The following LNPK variants were observed in gnomAD, a reference collection of about 807,000 sequenced individuals.
The protein encoded by LNPK is lunapark, ER junction formation factor, also known as endoplasmic reticulum junction formation protein lunapark.
A neutral mutation model predicts 55.2 loss-of-function variants in LNPK; 29 were observed. The ratio of observed to expected loss-of-function variants is 0.53; its 90% CI spans 0.39 to 0.72. The LOEUF (loss-of-function observed/expected upper bound fraction) is 0.72, where lower values mean the gene tolerates loss of function less well. Ranked by LOEUF, LNPK falls within the 30% of genes least tolerant of loss-of-function variation. The pLI, the probability that LNPK is intolerant of heterozygous loss-of-function variation, is 0.00. For missense variants in LNPK, 467 were observed against 494.8 expected (o/e 0.94, Z 0.53); for synonymous variants, 162 against 168.2 (o/e 0.96, Z 0.29).
intron 9 of LNPK, among the ~76,000 whole-genome samples, chr2:175,940,008 C>T (rs1035697877): frequency 7.9e-5 from 12 of 152,066 alleles, no homozygotes; most frequent in African/African-American, 2.9e-4. Context: ...AGGGGACTTC[C>T]ACTTCAGGCC....
chr2:175,977,825 T>C (rs1324428721), intron 5 of LNPK, among the ~76,000 whole-genome samples: 2 of 152,110 alleles, frequency 1.3e-5, no homozygotes, highest in Admixed American at 1.3e-4. Context: ...TTAAAGGAAA[T>C]GTAGGGTTAG....
At chr2:175,983,557 A>G (rs1477136751) in intron 4 of LNPK, among the ~76,000 whole-genome samples, 1 of 152,220 alleles carries the variant, frequency 6.6e-6, no homozygotes, top group African/African-American at 2.4e-5. Flanking sequence ...ATATCAACAA[A>G]TATTAAGTGG....
intron 8 of LNPK, among the ~76,000 whole-genome samples, chr2:175,953,420 T>A (rs908969408): frequency 1.7e-4 from 26 of 152,150 alleles, no homozygotes; most frequent in African/African-American, 6.3e-4. Flanking sequence ...TTGCTATAAC[T>A]CCCATTCAAC....
intron 1 of LNPK, among the ~76,000 whole-genome samples, chr2:175,996,975 A>G (rs933295419): frequency 1.3e-5 from 2 of 152,182 alleles, no homozygotes; most frequent in Non-Finnish European, 2.9e-5. Flanking sequence ...TCCACCCCCA[A>G]AAAGGTTACC....
chr2:175,951,225 CTTTA>C (rs1471768828), intron 8 of LNPK, among the ~76,000 whole-genome samples: 1 of 151,890 alleles, frequency 6.6e-6, no homozygotes, highest in African/African-American at 2.4e-5. Context: ...GTACCAGTTC[CTTTA>C]TTATTTCCAT....
chr2:175,973,762 G>A lies in LNPK; in HGVS notation c.317-2958C>T, dbSNP rs371814032. Among the ~76,000 whole-genome samples the A allele has an allele frequency of 2.5e-3, 374 of 152,288 alleles. 15 individuals carry two copies. In the South Asian group the frequency reaches 0.072, roughly 29 times the overall value. The stretch of plus-strand genomic sequence containing the variant: ...GATAACATCTGTCAACTCAACAACA[G>A]CCAAGGAAGATCACTTGAAATCATT... On this transcript the variant is annotated intron_variant, in intron 5 of 12. Transcript: ENST00000272748.
chr2:175,948,431 G>A (rs1426813618), intron 8 of LNPK, among the ~76,000 whole-genome samples: 1 of 152,214 alleles, frequency 6.6e-6, no homozygotes, highest in Non-Finnish European at 1.5e-5. Context: ...GGCTGCTTTA[G>A]AAGAGTAGAG....
chr2:175,946,391 A>G (rs1183561029), intron 9 of LNPK, among the ~76,000 whole-genome samples: 1 of 152,138 alleles, frequency 6.6e-6, no homozygotes, highest in Non-Finnish European at 1.5e-5. Flanking sequence ...AATTTCATAA[A>G]ATATATGGCT....
intron 8 of LNPK, among the ~76,000 whole-genome samples, chr2:175,952,638 TTATTGCTAAAAAA>T (rs1223529542): frequency 6.6e-6 from 1 of 152,038 alleles, no homozygotes; most frequent in Admixed American, 6.6e-5. Flanking sequence ...CAATGTCTTT[TTATTGCTAAAAAA>T]TGACTTTATA....
At chr2:175,989,795 T>G (rs1685841594) in intron 4 of LNPK, among the ~76,000 whole-genome samples, 1 of 152,104 alleles carries the variant, frequency 6.6e-6, no homozygotes, top group African/African-American at 2.4e-5. Flanking sequence ...AAAAACAGTA[T>G]GTGGAATTAT....
At chr2:175,972,861 T>A (rs1044663244) in intron 5 of LNPK, among the ~76,000 whole-genome samples, 1 of 152,170 alleles carries the variant, frequency 6.6e-6, no homozygotes, top group Admixed American at 6.6e-5. Flanking sequence ...GTTAATCACC[T>A]CCAATCAAAG....
intron 12 of LNPK, among the ~76,000 whole-genome samples, chr2:175,931,690 T>C (rs540893490): frequency 2.9e-4 from 44 of 152,324 alleles, no homozygotes; most frequent in Admixed American, 2.4e-3. Flanking sequence ...ACATGGCACT[T>C]AAAATGGCAT....
At chr2:175,937,995 G>A (rs1684634971) in intron 11 of LNPK, 1 of 202,094 alleles carries the variant, frequency 4.9e-6, no homozygotes, top group African/African-American at 2.3e-5. Context: ...AAAATATACT[G>A]ATGCCTGGAC....
chr2:176,000,416 C>T (rs959698248), intron 1 of LNPK, among the ~76,000 whole-genome samples: 2 of 152,124 alleles, frequency 1.3e-5, no homozygotes, highest in Non-Finnish European at 2.9e-5. Flanking sequence ...GTAGTAACTG[C>T]TTAATTGTAG....
In LNPK at chr2:176,002,159, C is replaced by T; in HGVS notation, c.-63+1G>A. On this transcript the variant is annotated splice_donor_variant, in intron 1 of 12. Transcript: ENST00000272748. LOFTEE classifies it low-confidence loss of function (5UTR_SPLICE). Reference sequence around the variant, plus strand: ...AACTGCCCTCGCCTTGAGCGTTCTACCTGCAAGAAGCGGGCGCAGCCCGGC... The same window carrying T: ...AACTGCCCTCGCCTTGAGCGTTCTATCTGCAAGAAGCGGGCGCAGCCCGGC... 1 of 445,472 alleles carries T rather than the reference C, an allele frequency of 2.2e-6. No homozygotes were observed. The highest frequency in any genetic ancestry group is 4.5e-6 in the Non-Finnish European group (1 of 222,628). 27.6% of individuals were successfully genotyped at this position (445,472 alleles called of 1,614,324 possible).
In LNPK at chr2:176,002,180, C is replaced by G; in HGVS notation, c.-83G>C. The G allele has an allele frequency of 4.5e-6, 2 of 446,112 alleles. No individual in the cohort carries two copies. The highest frequency in any genetic ancestry group is 1.6e-5 in the South Asian group (1 of 63,388). 27.6% of individuals were successfully genotyped at this position (446,112 alleles called of 1,614,324 possible). On this transcript the variant is annotated 5_prime_UTR_variant, in exon 1 of 13. Transcript: ENST00000272748. The stretch of plus-strand genomic sequence containing the variant: ...TCTACCTGCAAGAAGCGGGCGCAGC[C>G]CGGCCCGGGCGTCCACCCCCGCCAG...
chr2:175,969,646 C>T (rs72912941), intron 6 of LNPK, among the ~76,000 whole-genome samples: 327 of 152,286 alleles, frequency 2.1e-3, no homozygotes, highest in Non-Finnish European at 3.7e-3. Flanking sequence ...GCAAGTCAAA[C>T]CAATCATATC....
At chr2:175,977,501 A>C (rs547109675) in intron 5 of LNPK, among the ~76,000 whole-genome samples, 1 of 152,332 alleles carries the variant, frequency 6.6e-6, no homozygotes, top group South Asian at 2.1e-4. Context: ...AAAGCAAATA[A>C]AACTAAAAAG....
At chr2:175,960,638 C>T (rs1203626537) in intron 8 of LNPK, among the ~76,000 whole-genome samples, 2 of 152,058 alleles carry the variant, frequency 1.3e-5, no homozygotes, top group Admixed American at 1.3e-4. Context: ...GCTAACAACA[C>T]AATTAAAAGA....
Sources: gnomAD v4.1 joint callset for allele counts (sites outside exome capture counted in the v4.1 genomes callset) on GRCh38, gnomAD v4.1.1 for gene constraint, MANE v1.5 for transcripts, NCBI Gene and HGNC (gene_info 2026-07-23, HGNC 2026-07-21) for gene names.